ULK4: variants seen among roughly 807,000 people sequenced by gnomAD.
ULK4 encodes the protein inactive serine/threonine-protein kinase ULK4.
A neutral mutation model predicts 160.6 loss-of-function variants in ULK4; 133 were observed. That is an observed-to-expected ratio of 0.83 (90% confidence interval 0.72 to 0.96). The LOEUF is 0.96. Among genes scored for constraint, ULK4 ranks in the 40% least tolerant of loss-of-function variants. ULK4 has a pLI of 0.00. For synonymous variants in ULK4, 534 were observed against 539.8 expected (o/e 0.99, Z 0.15); for missense variants, 1,580 against 1,499.5 (o/e 1.05, Z -0.89).
At chr3:41,269,225 C>T (rs2079097948) in intron 35 of ULK4, among the ~76,000 whole-genome samples, 2 of 152,056 alleles carry the variant, frequency 1.3e-5, no homozygotes, top group South Asian at 2.1e-4. Context: ...TCACAAGTAT[C>T]CCTTGTAAAT....
intron 14 of ULK4, among the ~76,000 whole-genome samples, chr3:41,897,488 G>A (rs1047604318): frequency 2.0e-5 from 3 of 151,902 alleles, no homozygotes; most frequent in Non-Finnish European, 4.4e-5. Flanking sequence ...CAAAAAAAAG[G>A]CAAAATCTAG....
intron 30 of ULK4, among the ~76,000 whole-genome samples, chr3:41,654,549 G>A (rs573165796): frequency 1.3e-5 from 2 of 152,286 alleles, no homozygotes; most frequent in South Asian, 4.1e-4. Flanking sequence ...AATACATGCT[G>A]GGTAAGTATA....
At chr3:41,539,695 C>T (rs77757538) in intron 32 of ULK4, among the ~76,000 whole-genome samples, 372 of 152,246 alleles carry the variant, frequency 2.4e-3, no homozygotes, top group East Asian at 0.013. Context: ...TATTTCAGAA[C>T]TCTGACTCTA....
At chr3:41,545,389 C>T (rs976758454) in intron 32 of ULK4, among the ~76,000 whole-genome samples, 7 of 152,154 alleles carry the variant, frequency 4.6e-5, no homozygotes, top group Non-Finnish European at 8.8e-5. Context: ...TTAAAAGACA[C>T]TTTCTGGAGA....
intron 31 of ULK4, among the ~76,000 whole-genome samples, chr3:41,566,368 C>G (rs2087783443): frequency 6.6e-6 from 1 of 152,136 alleles, no homozygotes; most frequent in Non-Finnish European, 1.5e-5. Flanking sequence ...ACTTCCCTGC[C>G]CATGAGCTGA....
At chr3:41,824,241 A>G (rs571916313) in intron 18 of ULK4, among the ~76,000 whole-genome samples, 1 of 151,482 alleles carries the variant, frequency 6.6e-6, no homozygotes, top group Non-Finnish European at 1.5e-5. Flanking sequence ...AGCATGAGCG[A>G]TGCAGACGAT....
chr3:41,277,652 G>C (rs1451315442), intron 35 of ULK4, among the ~76,000 whole-genome samples: 1 of 152,094 alleles, frequency 6.6e-6, no homozygotes, highest in Non-Finnish European at 1.5e-5. Flanking sequence ...TACTGAATGG[G>C]GAAAAGATGA....
chr3:41,895,438 T>A lies in ULK4; in HGVS notation c.1577+80A>T, dbSNP rs536983343. On this transcript the variant is annotated intron_variant, in intron 16 of 36. Coordinates refer to ENST00000301831, the MANE Select transcript of ULK4 (RefSeq NM_017886.4). ...ATAATTTATGATAATTATTTAGGAC[T>A]CTGCTTTTGATAAATATGTGCTCTG... is the stretch of plus-strand genomic sequence containing the variant. 6.2e-6 allele frequency: 5 copies of A among 805,220 alleles called. No homozygotes were observed. The South Asian group carries it at 1.1e-4, about 18-fold the overall frequency. 49.9% of individuals were successfully genotyped at this position (805,220 alleles called of 1,614,324 possible).
intron 2 of ULK4, among the ~76,000 whole-genome samples, chr3:41,951,007 G>A (rs1235445505): frequency 1.1e-4 from 16 of 151,770 alleles, no homozygotes; most frequent in Admixed American, 1.0e-3. Flanking sequence ...AGCTGGGCAT[G>A]GTGGCGGGCG....
intron 22 of ULK4, among the ~76,000 whole-genome samples, chr3:41,725,584 C>A (rs890545503): frequency 6.6e-6 from 1 of 152,166 alleles, no homozygotes; most frequent in African/African-American, 2.4e-5. Context: ...TAGTTCTCCA[C>A]TGAAACCCTT....
intron 17 of ULK4, among the ~76,000 whole-genome samples, chr3:41,839,380 T>C (rs1459972473): frequency 6.6e-6 from 1 of 150,750 alleles, no homozygotes; most frequent in Non-Finnish European, 1.5e-5. Context: ...CTACAAAAAA[T>C]ACTAAATATG....
At chr3:41,905,409 T>C (rs1191309316) in intron 12 of ULK4, among the ~76,000 whole-genome samples, 1 of 152,178 alleles carries the variant, frequency 6.6e-6, no homozygotes, top group African/African-American at 2.4e-5. Flanking sequence ...GCAGAAACTT[T>C]TGTGAGCTGG....
chr3:41,883,416 A>C lies in ULK4; in HGVS notation c.1656+458T>G, dbSNP rs538579137. 2.6e-5 allele frequency among the ~76,000 whole-genome samples: 4 copies of C among 152,336 alleles called. No homozygotes were observed. In the East Asian group the frequency reaches 7.7e-4, roughly 29 times the overall value. On this transcript the variant is annotated intron_variant, in intron 17 of 36. Transcript: ENST00000301831. ...TGACTCTTGAGCCTCTCCCAGTTCA[A>C]GGGATAAAACTCCATTACCAATTAA...
chr3:41,326,153 G>A (rs1264126407), intron 35 of ULK4, among the ~76,000 whole-genome samples: 1 of 152,144 alleles, frequency 6.6e-6, no homozygotes, highest in Non-Finnish European at 1.5e-5. Context: ...GGCTCCCCAA[G>A]AACAGACTGC....
intron 35 of ULK4, among the ~76,000 whole-genome samples, chr3:41,286,597 C>T (rs935963461): frequency 7.9e-5 from 12 of 152,072 alleles, no homozygotes; most frequent in African/African-American, 1.7e-4. Flanking sequence ...TCCAGGGCCC[C>T]GCCAGCACCC....
At chr3:41,391,046 T>G (rs1423089088) in intron 35 of ULK4, among the ~76,000 whole-genome samples, 1 of 152,166 alleles carries the variant, frequency 6.6e-6, no homozygotes, top group African/African-American at 2.4e-5. Flanking sequence ...AGTGAGAACA[T>G]GCAATGTTTA....
At chr3:41,333,181 T>C (rs1383809343) in intron 35 of ULK4, among the ~76,000 whole-genome samples, 10 of 152,210 alleles carry the variant, frequency 6.6e-5, no homozygotes, top group Non-Finnish European at 1.5e-4. Flanking sequence ...TTGGATCCTG[T>C]GGACAAATGT....
At chr3:41,752,449 T>C (rs568048121) in intron 22 of ULK4, among the ~76,000 whole-genome samples, 1 of 152,172 alleles carries the variant, frequency 6.6e-6, no homozygotes, top group African/African-American at 2.4e-5. Context: ...ACATGAAACA[T>C]CACACTTCAA....
intron 17 of ULK4, among the ~76,000 whole-genome samples, chr3:41,875,965 C>CAAAAAAAAAAAAAAAAAAAAAAAAAAA (rs1221477204): frequency 1.5e-5 from 1 of 68,768 alleles, no homozygotes; most frequent in Non-Finnish European, 3.5e-5. Context: ...ATGTTCTTAC[C>CAAAAAAAAAAAAAAAAAAAAAAAAAAA]AAAAAAAAAA....
Sources: gnomAD v4.1 joint callset for allele counts (sites outside exome capture counted in the v4.1 genomes callset) on GRCh38, gnomAD v4.1.1 for gene constraint, MANE v1.5 for transcripts, NCBI Gene and HGNC (gene_info 2026-07-23, HGNC 2026-07-21) for gene names.